PDZRN4: variants seen among roughly 807,000 people sequenced by gnomAD.
PDZRN4 encodes PDZ domain-containing RING finger protein 4.
PDZRN4 carries 70 observed loss-of-function variants against 99.0 expected under a neutral mutation model. The ratio of observed to expected loss-of-function variants is 0.71; its 90% confidence interval spans 0.58 to 0.86. The LOEUF (loss-of-function observed/expected upper bound fraction) is 0.86, where lower values mean the gene tolerates loss of function less well. Ranked by LOEUF, PDZRN4 falls within the 40% of genes least tolerant of loss-of-function variation. The pLI is 0.00. For synonymous variants in PDZRN4, 551 were observed against 501.6 expected, an observed-to-expected ratio of 1.10 and a Z score of -1.32; for missense variants, 1,474 against 1,331.2, an observed-to-expected ratio of 1.11 and a Z score of -1.67.
intron 3 of PDZRN4, among the ~76,000 whole-genome samples, chr12:41,263,574 C>A (rs1951257771): frequency 6.6e-6 from 1 of 152,162 alleles, no homozygotes; most frequent in Non-Finnish European, 1.5e-5. Flanking sequence ...GTAATCCCAG[C>A]TACTCAGGAG....
chr12:41,370,194 C>A (rs1207676239), intron 3 of PDZRN4, among the ~76,000 whole-genome samples: 1 of 151,884 alleles, frequency 6.6e-6, no homozygotes, highest in African/African-American at 2.4e-5. Context: ...CTTCTTTTAT[C>A]TCGATTCTAT....
At chr12:41,434,246 G>C (rs1952609891) in intron 3 of PDZRN4, among the ~76,000 whole-genome samples, 1 of 152,126 alleles carries the variant, frequency 6.6e-6, no homozygotes. Context: ...GAATTTAGCT[G>C]ATTGCATCCC....
intron 3 of PDZRN4, among the ~76,000 whole-genome samples, chr12:41,222,115 G>T (rs1349402737): frequency 6.6e-6 from 1 of 152,130 alleles, no homozygotes; most frequent in Non-Finnish European, 1.5e-5. Flanking sequence ...TATGACCAGA[G>T]GCCCTCTGTA....
intron 3 of PDZRN4, among the ~76,000 whole-genome samples, chr12:41,233,555 T>C (rs539560517): frequency 1.3e-5 from 2 of 152,158 alleles, no homozygotes; most frequent in South Asian, 4.2e-4. Context: ...CCAACAACGA[T>C]AGACTGGATA....
At chr12:41,290,320 T>G (rs1455683578) in intron 3 of PDZRN4, among the ~76,000 whole-genome samples, 1 of 152,188 alleles carries the variant, frequency 6.6e-6, no homozygotes, top group Non-Finnish European at 1.5e-5. Flanking sequence ...TTTAAAAAAT[T>G]CTTTGATTCA....
chr12:41,525,951 A>T (rs913609643), intron 5 of PDZRN4, among the ~76,000 whole-genome samples: 8 of 152,100 alleles, frequency 5.3e-5, no homozygotes, highest in South Asian at 2.1e-4. Flanking sequence ...TGCCATTTTT[A>T]AAAAATCTCA....
At chr12:41,393,541 T>C (rs984361709) in intron 3 of PDZRN4, among the ~76,000 whole-genome samples, 1 of 152,162 alleles carries the variant, frequency 6.6e-6, no homozygotes, top group African/African-American at 2.4e-5. Context: ...TTATTATGCA[T>C]TGCTGTGTAA....
intron 3 of PDZRN4, among the ~76,000 whole-genome samples, chr12:41,484,527 A>T (rs914424192): frequency 6.6e-6 from 1 of 152,216 alleles, no homozygotes; most frequent in African/African-American, 2.4e-5. Flanking sequence ...GCATCCCACC[A>T]CAATGAGGTT....
chr12:41,235,016 G>A (rs1434236410), intron 3 of PDZRN4, among the ~76,000 whole-genome samples: 1 of 152,060 alleles, frequency 6.6e-6, no homozygotes, highest in East Asian at 1.9e-4. Context: ...GGGGTTAGAA[G>A]GTTACCTAAA....
At chr12:41,471,948 A>G (rs1248200280) in intron 3 of PDZRN4, among the ~76,000 whole-genome samples, 1 of 151,986 alleles carries the variant, frequency 6.6e-6, no homozygotes, top group Non-Finnish European at 1.5e-5. Flanking sequence ...TATCAATCAA[A>G]ACCAGTCCAA....
chr12:41,242,524 AAAACTATTC>A (rs2120785997), intron 3 of PDZRN4, among the ~76,000 whole-genome samples: 1 of 152,326 alleles, frequency 6.6e-6, no homozygotes, highest in South Asian at 2.1e-4. Context: ...AGGGAGCTCT[AAAACTATTC>A]AGGATCAACA....
At chr12:41,328,110 C>T (rs970023087) in intron 3 of PDZRN4, among the ~76,000 whole-genome samples, 2 of 151,908 alleles carry the variant, frequency 1.3e-5, no homozygotes. Context: ...ATTAACTATG[C>T]ACTATAAAAG....
intron 3 of PDZRN4, among the ~76,000 whole-genome samples, chr12:41,478,501 T>A (rs972108584): frequency 2.8e-5 from 4 of 145,078 alleles, no homozygotes; most frequent in African/African-American, 8.7e-5. Flanking sequence ...TACAAAAAAA[T>A]AAAAGAGCAG....
intron 3 of PDZRN4, among the ~76,000 whole-genome samples, chr12:41,334,879 G>A (rs757438642): frequency 3.3e-5 from 5 of 151,678 alleles, no homozygotes; most frequent in African/African-American, 4.8e-5. Flanking sequence ...TTTTCAAACC[G>A]CTATATATTT....
intron 5 of PDZRN4, among the ~76,000 whole-genome samples, chr12:41,546,302 A>G (rs1258085336): frequency 2.0e-5 from 3 of 152,188 alleles, no homozygotes; most frequent in South Asian, 4.1e-4. Context: ...GAACTCTGCC[A>G]ATGCTTTTTA....
At chr12:41,380,037 T>C (rs1476288903) in intron 3 of PDZRN4, among the ~76,000 whole-genome samples, 1 of 152,102 alleles carries the variant, frequency 6.6e-6, no homozygotes, top group African/African-American at 2.4e-5. Flanking sequence ...GCTGGATGCA[T>C]ACGTATTTCA....
chr12:41,336,823 G>T (rs575685083), intron 3 of PDZRN4, among the ~76,000 whole-genome samples: 96 of 152,166 alleles, frequency 6.3e-4, no homozygotes, highest in African/African-American at 2.1e-3. Flanking sequence ...TCCTAGGTGG[G>T]ATGGCAGAAC....
chr12:41,269,230 G>A (rs1951298405), intron 3 of PDZRN4, among the ~76,000 whole-genome samples: 1 of 152,146 alleles, frequency 6.6e-6, no homozygotes, highest in Non-Finnish European at 1.5e-5. Context: ...TTTCTATAAA[G>A]TAGACTTTCA....
At chr12:41,271,047 CTT>C (rs1033879898) in intron 3 of PDZRN4, among the ~76,000 whole-genome samples, 3 of 151,994 alleles carry the variant, frequency 2.0e-5, no homozygotes, top group Non-Finnish European at 4.4e-5. Context: ...TTCTACTTGA[CTT>C]ATATAATTTG....
Sources: gnomAD v4.1 joint callset for allele counts (sites outside exome capture counted in the v4.1 genomes callset) on GRCh38, gnomAD v4.1.1 for gene constraint, MANE v1.5 for transcripts, NCBI Gene and HGNC (gene_info 2026-07-23, HGNC 2026-07-21) for gene names.